Variants in SGCG observed in about 807,000 individuals in gnomAD.
SGCG encodes gamma-sarcoglycan.
In SGCG, 26 loss-of-function variants were observed where a neutral mutation model predicts 29.3. That is an observed-to-expected ratio of 0.89 (90% CI 0.65 to 1.23). The LOEUF (loss-of-function observed/expected upper bound fraction) is 1.23. Ranked by LOEUF, SGCG falls within the 50% of genes most tolerant of loss-of-function variation. The pLI, the probability that SGCG is intolerant of heterozygous loss-of-function variation, is 0.00. For synonymous variants in SGCG, 145 were observed against 129.7 expected (o/e 1.12, Z -0.80); for missense variants, 353 against 356.0 (o/e 0.99, Z 0.07).
chr13:23,171,865 A>C, the SGCG span, among the ~76,000 whole-genome samples: 1 of 152,218 alleles, frequency 6.6e-6, no homozygotes, highest in Middle Eastern at 3.2e-3. Context: ...GGTTCCTAAC[A>C]GGCCATGTAC....
chr13:23,182,060 G>T (rs1876757564), intron 1 of SGCG, among the ~76,000 whole-genome samples: 1 of 152,146 alleles, frequency 6.6e-6, no homozygotes, highest in African/African-American at 2.4e-5. Flanking sequence ...AATGTAGTTA[G>T]ATATAGCATT....
At chr13:23,181,558 TAAAC>T (rs906795021) in intron 1 of SGCG, among the ~76,000 whole-genome samples, 35 of 152,226 alleles carry the variant, frequency 2.3e-4, no homozygotes, top group African/African-American at 8.4e-4. Context: ...AAGTTGGAAA[TAAAC>T]AAAACAAGAG....
rs996240439 is a variant in SGCG, at chr13:23,318,460, A to G, written c.579-2177A>G. Among the ~76,000 whole-genome samples, 4 of 150,084 alleles carry G rather than the reference A, an allele frequency of 2.7e-5. No homozygotes were observed. In the East Asian group the frequency reaches 7.8e-4, roughly 29 times the overall value. ...ATTTAATATAGAAATATACATATTT[A>G]TATATAATATATATTTAATATTACA... On this transcript the variant is annotated intron_variant, in intron 6 of 7. Transcript: ENST00000218867.
At chr13:23,218,624 T>C (rs369691955) in intron 2 of SGCG, among the ~76,000 whole-genome samples, 3 of 152,214 alleles carry the variant, frequency 2.0e-5, no homozygotes. Flanking sequence ...AAAATCAATA[T>C]CAGAGAGTGA....
chr13:23,173,043 AAAAC>A, the SGCG span, among the ~76,000 whole-genome samples: 13 of 152,234 alleles, frequency 8.5e-5, no homozygotes, highest in Admixed American at 8.5e-4. Flanking sequence ...AACCAATTGA[AAAAC>A]AGACAAAAGA....
chr13:23,319,832 G>A (rs1191408790), intron 6 of SGCG, among the ~76,000 whole-genome samples: 1 of 152,166 alleles, frequency 6.6e-6, no homozygotes, highest in Non-Finnish European at 1.5e-5. Context: ...CCATCTGGTG[G>A]AAATACAGCC....
At chr13:23,185,438 C>T (rs1876932979) in intron 1 of SGCG, among the ~76,000 whole-genome samples, 1 of 152,184 alleles carries the variant, frequency 6.6e-6, no homozygotes. Context: ...GATCTGCTCG[C>T]CTTGGCCTCC....
intron 1 of SGCG, among the ~76,000 whole-genome samples, chr13:23,189,947 G>A (rs1359981): frequency 0.093 from 14,208 of 152,174 alleles, 873 homozygotes; most frequent in African/African-American, 0.17. Flanking sequence ...AAAGGGTTGT[G>A]TCAAAGGACA....
At chr13:23,254,012 C>A (rs574030021) in intron 4 of SGCG, among the ~76,000 whole-genome samples, 2 of 152,178 alleles carry the variant, frequency 1.3e-5, no homozygotes, top group Non-Finnish European at 1.5e-5. Flanking sequence ...AACCTCTTTT[C>A]TTTATAAATT....
intron 4 of SGCG, among the ~76,000 whole-genome samples, chr13:23,276,897 T>C (rs574316401): frequency 1.4e-4 from 21 of 152,352 alleles, no homozygotes; most frequent in African/African-American, 4.8e-4. Context: ...TGCTTTTCTT[T>C]TTAGTGAACC....
At chr13:23,193,192 T>C (rs2137483674) in intron 1 of SGCG, among the ~76,000 whole-genome samples, 1 of 152,284 alleles carries the variant, frequency 6.6e-6, no homozygotes, top group South Asian at 2.1e-4. Flanking sequence ...AGAAAGTTTA[T>C]TCCATTTGAG....
chr13:23,233,333 T>C (rs1879180786), intron 2 of SGCG, among the ~76,000 whole-genome samples: 1 of 152,186 alleles, frequency 6.6e-6, no homozygotes, highest in Non-Finnish European at 1.5e-5. Context: ...AAATATGATA[T>C]GATTCCACTT....
At chr13:23,194,815 A>C (rs1877422706) in intron 1 of SGCG, among the ~76,000 whole-genome samples, 1 of 152,180 alleles carries the variant, frequency 6.6e-6, no homozygotes, top group Non-Finnish European at 1.5e-5. Flanking sequence ...TGTTCTAGGG[A>C]CAGACAAGAA....
At chr13:23,322,765 T>TCCCCCCCCCCCCCCCCCCCCCCCCCC (rs1189871837) in intron 7 of SGCG, among the ~76,000 whole-genome samples, 2 of 61,444 alleles carry the variant, frequency 3.3e-5, no homozygotes, top group Admixed American at 1.9e-4. Context: ...CCCCCACCCA[T>TCCCCCCCCCCCCCCCCCCCCCCCCCC]CCACCTCCCC....
chr13:23,208,550 G>A (rs962292428), intron 2 of SGCG, among the ~76,000 whole-genome samples: 4 of 152,204 alleles, frequency 2.6e-5, no homozygotes, highest in East Asian at 1.9e-4. Context: ...GGCTGAGCCT[G>A]GTTTTATCTG....
At chr13:23,242,519 C>T (rs1879550051) in intron 3 of SGCG, among the ~76,000 whole-genome samples, 1 of 152,154 alleles carries the variant, frequency 6.6e-6, no homozygotes, top group Non-Finnish European at 1.5e-5. Flanking sequence ...ATGATTCTTT[C>T]ACCTACTCCC....
chr13:23,269,965 C>T lies in SGCG; in HGVS notation c.386-9394C>T, dbSNP rs565962728. On this transcript the variant is annotated intron_variant, in intron 4 of 7. Coordinates refer to ENST00000218867, the MANE Select transcript of SGCG (RefSeq NM_000231.3). ...TCTTAGCTCACTGCAAGCTCCGCCTCCCAGGTTCACGCCATTCTCCTGCCT... is the reference window on the plus strand; with the variant it reads ...TCTTAGCTCACTGCAAGCTCCGCCTTCCAGGTTCACGCCATTCTCCTGCCT... Among the ~76,000 whole-genome samples, 3 of 150,794 alleles carry T rather than the reference C, an allele frequency of 2.0e-5. No individual in the cohort carries two copies. The East Asian group carries it at 5.9e-4, about 29-fold the overall frequency.
intron 6 of SGCG, among the ~76,000 whole-genome samples, chr13:23,312,267 T>C (rs1882631364): frequency 6.6e-6 from 1 of 152,212 alleles, no homozygotes. Flanking sequence ...ACAGTCTCTA[T>C]GCCAATTTAT....
chr13:23,231,459 G>C (rs549891920), intron 2 of SGCG, among the ~76,000 whole-genome samples: 1 of 152,074 alleles, frequency 6.6e-6, no homozygotes, highest in African/African-American at 2.4e-5. Flanking sequence ...AGCTACCACA[G>C]AAGCTAGGAT....
Sources: gnomAD v4.1 joint callset for allele counts (sites outside exome capture counted in the v4.1 genomes callset) on GRCh38, gnomAD v4.1.1 for gene constraint, MANE v1.5 for transcripts, NCBI Gene and HGNC (gene_info 2026-07-23, HGNC 2026-07-21) for gene names.